The following IQCM variants were observed in gnomAD, a reference collection of about 807,000 sequenced individuals.
The protein encoded by IQCM is IQ motif containing M.
Under a neutral mutation model 57.6 loss-of-function variants are expected in IQCM, and 45 were observed. The ratio of observed to expected loss-of-function variants is 0.78; its 90% CI spans 0.62 to 1.00. The LOEUF (loss-of-function observed/expected upper bound fraction) is 1.00, where lower values mean the gene tolerates loss of function less well. IQCM is among the 50% of genes least tolerant of loss of function. IQCM has a pLI of 0.00. For synonymous variants in IQCM, 148 were observed against 158.9 expected, an observed-to-expected ratio of 0.93 and a Z score of 0.51; for missense variants, 468 against 511.6, an observed-to-expected ratio of 0.91 and a Z score of 0.82.
intron 7 of IQCM, among the ~76,000 whole-genome samples, chr4:149,654,548 C>T (rs1331731949): frequency 1.3e-5 from 2 of 152,184 alleles, no homozygotes; most frequent in Non-Finnish European, 2.9e-5. Context: ...CAGATGTCTG[C>T]ACTAGGCTTG....
At chr4:149,521,594 A>T (rs968096063) in intron 12 of IQCM, among the ~76,000 whole-genome samples, 1 of 152,230 alleles carries the variant, frequency 6.6e-6, no homozygotes, top group African/African-American at 2.4e-5. Flanking sequence ...AAATGAATTG[A>T]CCCTTTAGAC....
intron 7 of IQCM, among the ~76,000 whole-genome samples, chr4:149,677,575 A>G (rs967862920): frequency 1.3e-5 from 2 of 152,056 alleles, no homozygotes; most frequent in Admixed American, 1.3e-4. Flanking sequence ...AATAAATAAA[A>G]TAATAATTAA....
intron 13 of IQCM, among the ~76,000 whole-genome samples, chr4:149,423,467 T>C (rs935777529): frequency 2.0e-5 from 3 of 151,994 alleles, no homozygotes; most frequent in Non-Finnish European, 4.4e-5. Context: ...AGAGCAAAAC[T>C]GTATCAGTCT....
In IQCM at chr4:149,533,264, A is replaced by G. The variant is rs187122792; in HGVS notation, c.1228+15191T>C. On this transcript the variant is annotated intron_variant, in intron 12 of 13. Coordinates refer to ENST00000636793, the MANE Select transcript of IQCM (RefSeq NM_001363507.2). ...AATTTTTATATTTTCATTTTGAAGT[A>G]TTTCTGACATATAAAAAAGAAATAA... is the stretch of plus-strand genomic sequence containing the variant. 1.4e-4 allele frequency among the ~76,000 whole-genome samples: 21 copies of G among 152,216 alleles called. 1 individual carries two copies. Among genetic ancestry groups the G allele is most frequent in the African/African-American group, 4.8e-4 (20 of 41,558 alleles).
At chr4:149,678,891 T>C (rs1761969841) in intron 7 of IQCM, among the ~76,000 whole-genome samples, 1 of 151,676 alleles carries the variant, frequency 6.6e-6, no homozygotes, top group African/African-American at 2.4e-5. Flanking sequence ...TAAAAGATGC[T>C]GATGATATGA....
chr4:149,394,457 T>C (rs971885852), intron 13 of IQCM, among the ~76,000 whole-genome samples: 4 of 152,048 alleles, frequency 2.6e-5, no homozygotes, highest in Non-Finnish European at 5.9e-5. Flanking sequence ...CATTATATTA[T>C]TGATTTCCAA....
At chr4:149,643,632 G>A (rs535846886) in intron 7 of IQCM, among the ~76,000 whole-genome samples, 10 of 152,226 alleles carry the variant, frequency 6.6e-5, no homozygotes, top group East Asian at 3.9e-4. Flanking sequence ...CTTAAGTACC[G>A]AGCACTGTTT....
intron 12 of IQCM, among the ~76,000 whole-genome samples, chr4:149,496,656 T>C (rs1013572718): frequency 2.0e-5 from 3 of 152,124 alleles, no homozygotes; most frequent in African/African-American, 7.2e-5. Context: ...ATGCAGCCTG[T>C]TGATGCCTTG....
At chr4:149,373,267 A>G (rs147077376) in intron 13 of IQCM, among the ~76,000 whole-genome samples, 6 of 152,256 alleles carry the variant, frequency 3.9e-5, no homozygotes, top group African/African-American at 1.4e-4. Context: ...AGGCATAGAA[A>G]TTACAAGTAA....
At chr4:149,756,555 C>T (rs181398920) in intron 2 of IQCM, among the ~76,000 whole-genome samples, 1 of 151,856 alleles carries the variant, frequency 6.6e-6, no homozygotes, top group Admixed American at 6.6e-5. Flanking sequence ...GAAAATGAAC[C>T]CAAAAGAATG....
intron 11 of IQCM, 64 bp downstream of exon 11, chr4:149,553,079 A>T (rs1749187651): frequency 8.5e-7 from 1 of 1,178,620 alleles, no homozygotes; most frequent in African/African-American, 1.6e-5. Flanking sequence ...AATTATATTT[A>T]AAATTCCAAT....
rs1387507287 is a variant in IQCM, at chr4:149,563,859, G to C, written c.781C>G (p.Leu261Val). Residue 261 changes from leucine (L) to valine (V), a missense_variant, in exon 10 of 14, where the codon CTT becomes GTT. By Grantham distance (32) the Leu-to-Val change is conservative. Coordinates refer to ENST00000636793, the MANE Select transcript of IQCM (RefSeq NM_001363507.2). ...IKGTPNKTDK[L>V]DSKVKRIGPH... ...CCAATTCTTTTAACTTTACTGTCAA[G>C]TTTATCAGTTTTATTTGGAGTACCT... 1 of 1,230,538 alleles carries C rather than the reference G, an allele frequency of 8.1e-7. No individual in the cohort carries two copies. Among genetic ancestry groups the C allele is most frequent in the African/African-American group, 1.6e-5 (1 of 64,266 alleles). The allele number at this position is 1,230,538 out of a possible 1,614,324, so 76.2% of individuals were successfully genotyped here.
At chr4:149,462,517 C>CA (rs1188977816) in intron 12 of IQCM, among the ~76,000 whole-genome samples, 1 of 152,154 alleles carries the variant, frequency 6.6e-6, no homozygotes, top group African/African-American at 2.4e-5. Flanking sequence ...ATCTCTACAA[C>CA]AGCACCTACC....
chr4:149,810,182 C>G (rs1230630050), intron 2 of IQCM, among the ~76,000 whole-genome samples: 1 of 151,710 alleles, frequency 6.6e-6, no homozygotes, highest in Non-Finnish European at 1.5e-5. Flanking sequence ...TCCAGGAGTT[C>G]GAGACCAGCC....
intron 13 of IQCM, among the ~76,000 whole-genome samples, chr4:149,358,160 C>CG (rs1223388531): frequency 6.6e-6 from 1 of 152,038 alleles, no homozygotes; most frequent in Non-Finnish European, 1.5e-5. Context: ...GTCTTGCTAG[C>CG]GGTCTATCAA....
At chr4:149,595,086 A>AGTCTAAGTT (rs1395699834) in intron 8 of IQCM, among the ~76,000 whole-genome samples, 1 of 152,052 alleles carries the variant, frequency 6.6e-6, no homozygotes, top group African/African-American at 2.4e-5. Context: ...ATTATGTGGG[A>AGTCTAAGTT]GTCTAAGTTT....
At chr4:149,621,744 GCATCAC>G (rs1756355660) in intron 7 of IQCM, among the ~76,000 whole-genome samples, 1 of 152,160 alleles carries the variant, frequency 6.6e-6, no homozygotes, top group Non-Finnish European at 1.5e-5. Context: ...AGGTTAGCCA[GCATCAC>G]CACATATTTG....
At chr4:149,574,301 T>G (rs1751442260) in intron 9 of IQCM, among the ~76,000 whole-genome samples, 1 of 151,928 alleles carries the variant, frequency 6.6e-6, no homozygotes, top group African/African-American at 2.4e-5. Flanking sequence ...TTTACAGACA[T>G]TTTTAGCCAC....
intron 7 of IQCM, among the ~76,000 whole-genome samples, chr4:149,628,165 A>G (rs749118014): frequency 2.0e-5 from 3 of 152,212 alleles, no homozygotes; most frequent in Non-Finnish European, 4.4e-5. Flanking sequence ...AACACAGTCT[A>G]TAATTCTAAA....
Sources: allele counts gnomAD v4.1 joint callset (sites outside exome capture counted in the v4.1 genomes callset), GRCh38; gene constraint gnomAD v4.1.1; transcripts MANE v1.5; gene names NCBI Gene and HGNC (gene_info 2026-07-23, HGNC 2026-07-21).